Variants in CDH13 observed in about 807,000 individuals in gnomAD.
CDH13 encodes cadherin 13.
In CDH13, 24 loss-of-function variants were observed where a neutral mutation model predicts 63.8. That is an observed-to-expected ratio of 0.38 (90% CI 0.27 to 0.53). The LOEUF (loss-of-function observed/expected upper bound fraction) is 0.53, where lower values mean the gene tolerates loss of function less well. Ranked by LOEUF, CDH13 falls within the 20% of genes least tolerant of loss-of-function variation. The pLI, the probability that CDH13 is intolerant of heterozygous loss-of-function variation, is 0.85. For missense variants in CDH13, 1,049 were observed against 903.1 expected, an observed-to-expected ratio of 1.16 and a Z score of -2.07; for synonymous variants, 503 against 355.3, an observed-to-expected ratio of 1.42 and a Z score of -4.67.
At chr16:82,630,467 C>T (rs1056699465) in intron 1 of CDH13, among the ~76,000 whole-genome samples, 1 of 152,188 alleles carries the variant, frequency 6.6e-6, no homozygotes, top group African/African-American at 2.4e-5. Flanking sequence ...CTCTGCCTCC[C>T]TCCCTTCTCC....
rs2039568140 is a variant in CDH13 at position 83,217,392 on chromosome 16, A to G, written c.531A>G (p.Gly177=). 1.9e-6 allele frequency: 3 copies of G among 1,613,770 alleles called. No homozygotes were observed. The highest frequency in any genetic ancestry group is 1.7e-5 in the Admixed American group (1 of 60,004). ...RPERSKFRLT[G]KGVDQEPKGI... is the part of the protein sequence containing the mutation. ...AAAGGTCCAAGTTCCGGCTCACTGGAAAGGGAGTGGATCAAGAGCCTAAAG... is the reference window on the plus strand; with the variant it reads ...AAAGGTCCAAGTTCCGGCTCACTGGGAAGGGAGTGGATCAAGAGCCTAAAG... The change falls in exon 5 of 14, where the codon GGA becomes GGG. Residue 177 remains glycine (G), a synonymous_variant. Transcript: ENST00000567109.
rs140215944 is a variant in CDH13 at position 83,380,851 on chromosome 16, T to G, written c.781+35845T>G. On this transcript the variant is annotated intron_variant, in intron 6 of 13. Coordinates refer to ENST00000567109, the MANE Select transcript of CDH13 (RefSeq NM_001257.5). ...CCAAGGTTTTTTTTTTTTTTTCCTT[T>G]AATTAAGGAAAAAGAGAAGAGTGTA... 7.4e-3 allele frequency among the ~76,000 whole-genome samples: 1,118 copies of G among 151,548 alleles called. 8 individuals are homozygous for G. The highest frequency in any genetic ancestry group is 0.011 in the Non-Finnish European group (768 of 67,850).
At chr16:83,189,674 C>A (rs2038636769) in intron 4 of CDH13, among the ~76,000 whole-genome samples, 1 of 152,180 alleles carries the variant, frequency 6.6e-6, no homozygotes, top group African/African-American at 2.4e-5. Flanking sequence ...GCCACAGACA[C>A]TTGGTCAAAG....
At chr16:83,048,220 C>T (rs149210935) in intron 3 of CDH13, among the ~76,000 whole-genome samples, 4 of 152,272 alleles carry the variant, frequency 2.6e-5, no homozygotes, top group Non-Finnish European at 5.9e-5. Context: ...TTTCATAACT[C>T]AGGTATTCCC....
intron 4 of CDH13, among the ~76,000 whole-genome samples, chr16:83,198,887 A>T (rs2038949661): frequency 6.6e-6 from 1 of 152,120 alleles, no homozygotes; most frequent in Non-Finnish European, 1.5e-5. Context: ...GGTTTTTTTT[A>T]AAGACAGAAT....
At chr16:82,966,300 C>T (rs868108099) in intron 2 of CDH13, among the ~76,000 whole-genome samples, 1 of 151,756 alleles carries the variant, frequency 6.6e-6, no homozygotes, top group African/African-American at 2.4e-5. Flanking sequence ...AGGCGCCCGC[C>T]ACCACGCCCA....
intron 2 of CDH13, among the ~76,000 whole-genome samples, chr16:82,911,656 C>T (rs1057386524): frequency 3.7e-4 from 57 of 152,178 alleles, no homozygotes; most frequent in African/African-American, 1.4e-3. Flanking sequence ...CCAGGAGCCT[C>T]ACTCAGACAC....
chr16:82,767,920 A>G (rs1220523011), intron 1 of CDH13, among the ~76,000 whole-genome samples: 1 of 152,206 alleles, frequency 6.6e-6, no homozygotes, highest in East Asian at 1.9e-4. Flanking sequence ...CCCACGAGCC[A>G]AAAGGAGTGG....
At chr16:82,965,841 T>C (rs573086180) in intron 2 of CDH13, among the ~76,000 whole-genome samples, 22 of 152,322 alleles carry the variant, frequency 1.4e-4, no homozygotes, top group African/African-American at 5.1e-4. Flanking sequence ...ATTAGCCCAC[T>C]GGTTTACATT....
chr16:82,843,955 A>G (rs1450842379), intron 1 of CDH13, among the ~76,000 whole-genome samples: 3 of 152,198 alleles, frequency 2.0e-5, no homozygotes, highest in Non-Finnish European at 4.4e-5. Context: ...TGATCATGGA[A>G]TGACTCCCTC....
At chr16:83,084,237 A>C (rs1421442441) in intron 3 of CDH13, among the ~76,000 whole-genome samples, 2 of 152,220 alleles carry the variant, frequency 1.3e-5, no homozygotes, top group African/African-American at 4.8e-5. Context: ...AAAGTGTGTG[A>C]CTGTGGCGAA....
chr16:83,429,022 C>CTT (rs1357949481), intron 6 of CDH13, among the ~76,000 whole-genome samples: 1 of 152,208 alleles, frequency 6.6e-6, no homozygotes, highest in Non-Finnish European at 1.5e-5. Context: ...GAAGTATCTT[C>CTT]TTTTCTTGTC....
intron 7 of CDH13, among the ~76,000 whole-genome samples, chr16:83,508,119 A>AAGGAAAAGGAAGGGAGGGAGGG (rs1567722339): frequency 7.9e-5 from 6 of 75,540 alleles, no homozygotes; most frequent in South Asian, 6.9e-4. Context: ...AAAAGGAAGG[A>AAGGAAAAGGAAGGGAGGGAGGG]AGGGAGGAAG....
chr16:83,034,294 G>A (rs542578873), intron 3 of CDH13, among the ~76,000 whole-genome samples: 2 of 152,224 alleles, frequency 1.3e-5, no homozygotes, highest in African/African-American at 4.8e-5. Flanking sequence ...GAACCTATCT[G>A]CCATTCCTGG....
intron 5 of CDH13, among the ~76,000 whole-genome samples, chr16:83,271,520 C>CAA (rs201104727): frequency 2.3e-5 from 2 of 87,162 alleles, no homozygotes; most frequent in Non-Finnish European, 4.7e-5. Flanking sequence ...CAAAACAAAA[C>CAA]AACAACAACA....
intron 3 of CDH13, among the ~76,000 whole-genome samples, chr16:83,036,312 G>T (rs912124174): frequency 4.6e-5 from 7 of 151,822 alleles, no homozygotes; most frequent in Admixed American, 4.6e-4. Flanking sequence ...ACCACACCTG[G>T]CTACTTTTTG....
chr16:83,073,255 C>T (rs1428942979), intron 3 of CDH13, among the ~76,000 whole-genome samples: 1 of 151,612 alleles, frequency 6.6e-6, no homozygotes, highest in African/African-American at 2.4e-5. Context: ...TAGTAAGAAA[C>T]AGAGTTCGAG....
rs143678684 is a variant in CDH13 at position 82,951,892 on chromosome 16, A to T, written c.158-80118A>T. 3.5e-3 allele frequency among the ~76,000 whole-genome samples: 526 copies of T among 152,276 alleles called. 5 individuals carry two copies. Among genetic ancestry groups the T allele is most frequent in the African/African-American group, 0.012 (503 of 41,564 alleles). On this transcript the variant is annotated intron_variant, in intron 2 of 13. Transcript: ENST00000567109. ...TCCCAGGAGCCACAGAAGTGCAACA[A>T]AGAGATGAGCCCCATAAACCACTGC...
chr16:83,046,999 C>CT (rs1917850014), intron 3 of CDH13, among the ~76,000 whole-genome samples: 1 of 152,208 alleles, frequency 6.6e-6, no homozygotes, highest in African/African-American at 2.4e-5. Flanking sequence ...CCTCAACTGT[C>CT]TATCTTTCTG....
Sources: gnomAD v4.1 joint callset for allele counts (sites outside exome capture counted in the v4.1 genomes callset) on GRCh38, gnomAD v4.1.1 for gene constraint, MANE v1.5 for transcripts, NCBI Gene and HGNC (gene_info 2026-07-23, HGNC 2026-07-21) for gene names.